The following AP4E1 variants were observed in gnomAD, a reference collection of about 807,000 sequenced individuals.
AP4E1 encodes the protein adaptor related protein complex 4 subunit epsilon 1.
AP4E1 carries 56 observed loss-of-function variants against 128.2 expected under a neutral mutation model. The observed-to-expected ratio is 0.44, with a 90% CI of 0.35 to 0.55. AP4E1 has a LOEUF of 0.55. AP4E1 is among the 20% of genes least tolerant of loss of function. AP4E1 has a pLI of 0.00. For synonymous variants in AP4E1, 484 were observed against 473.1 expected (o/e 1.02, Z -0.30); for missense variants, 1,324 against 1,307.7 (o/e 1.01, Z -0.19).
intron 13 of AP4E1, among the ~76,000 whole-genome samples, chr15:50,957,713 G>A (rs1312273454): frequency 1.0e-5 from 1 of 96,382 alleles, no homozygotes. Context: ...GTCTTGTTCT[G>A]TTGCCCAGGC....
rs985222142 is a variant in AP4E1 at position 50,980,703 on chromosome 15, C to T, written c.1967-3319C>T. On this transcript the variant is annotated intron_variant, in intron 15 of 20. Transcript: ENST00000261842. ...CAGAATGTTTTCAGGGGATGACCAG[C>T]GTACCCTTCATGGGCTTGCTGCCCA... Among the ~76,000 whole-genome samples the T allele has an allele frequency of 3.3e-5, 5 of 152,262 alleles. No homozygotes were observed. The East Asian group carries it at 5.8e-4, about 18-fold the overall frequency.
chr15:50,953,887 A>C (rs2064183362), intron 13 of AP4E1, among the ~76,000 whole-genome samples: 1 of 152,204 alleles, frequency 6.6e-6, no homozygotes, highest in Admixed American at 6.5e-5. Flanking sequence ...TACAAAAGTG[A>C]TGGTCGCAGT....
chr15:50,944,585 T>C (rs561919059), intron 10 of AP4E1: 1 of 204,304 alleles, frequency 4.9e-6, no homozygotes, highest in African/African-American at 2.8e-5. Context: ...ACTAAAACAG[T>C]TAAAAAAAAA....
At chr15:50,915,278 A>T (rs2063616297) in intron 2 of AP4E1, 170 bp from the exon 3 acceptor site, 2 of 661,138 alleles carry the variant, frequency 3.0e-6, no homozygotes, top group Non-Finnish European at 5.0e-6. Context: ...AAGTAAGATC[A>T]GGAGCAATTT....
At chr15:50,939,698 T>C (rs1460067864) in intron 8 of AP4E1, among the ~76,000 whole-genome samples, 1 of 152,228 alleles carries the variant, frequency 6.6e-6, no homozygotes, top group East Asian at 1.9e-4. Context: ...AGCATCTGAA[T>C]ATAAACGTTT....
chr15:50,911,743 G>T (rs2063569754), intron 1 of AP4E1, among the ~76,000 whole-genome samples: 1 of 152,050 alleles, frequency 6.6e-6, no homozygotes, highest in African/African-American at 2.4e-5. Flanking sequence ...CTCCCAAAGT[G>T]CTGGGATTAC....
chr15:50,961,856 A>G (rs1322800194), intron 14 of AP4E1, among the ~76,000 whole-genome samples: 1 of 152,010 alleles, frequency 6.6e-6, no homozygotes, highest in Non-Finnish European at 1.5e-5. Flanking sequence ...AGAAAAACCT[A>G]AAGACTTGAA....
intron 14 of AP4E1, among the ~76,000 whole-genome samples, chr15:50,959,226 G>T (rs2064276805): frequency 1.3e-5 from 2 of 150,038 alleles, no homozygotes; most frequent in South Asian, 4.2e-4. Context: ...AAAAAAAAAA[G>T]ATTCAATCTA....
At chr15:50,969,720 G>A (rs1299879558) in intron 15 of AP4E1, among the ~76,000 whole-genome samples, 8 of 149,040 alleles carry the variant, frequency 5.4e-5, no homozygotes, top group East Asian at 3.9e-4. Flanking sequence ...GTGCAGTGGC[G>A]TGATCTCGGC....
At chr15:50,939,651 AT>A (rs781247830) in intron 8 of AP4E1, among the ~76,000 whole-genome samples, 11 of 151,896 alleles carry the variant, frequency 7.2e-5, no homozygotes, top group South Asian at 2.1e-4. Context: ...TTGAACTATT[AT>A]TTTTTTTCCC....
chr15:50,953,714 T>TA (rs1366316242), intron 13 of AP4E1, among the ~76,000 whole-genome samples: 1 of 152,176 alleles, frequency 6.6e-6, no homozygotes, highest in East Asian at 1.9e-4. Flanking sequence ...AGAGAAGCTA[T>TA]AAAAATGGTT....
intron 15 of AP4E1, among the ~76,000 whole-genome samples, chr15:50,975,586 T>A (rs2064540222): frequency 6.6e-6 from 1 of 152,200 alleles, no homozygotes. Flanking sequence ...TTGGTGTCCT[T>A]GTTCAATATT....
chr15:50,972,967 T>C (rs940061283), intron 15 of AP4E1, among the ~76,000 whole-genome samples: 3 of 152,190 alleles, frequency 2.0e-5, no homozygotes, highest in African/African-American at 7.2e-5. Context: ...AAATATCTGA[T>C]GATTTAAGTT....
intron 13 of AP4E1, 26 bp downstream of exon 13, chr15:50,950,195 ATT>A: frequency 6.9e-7 from 1 of 1,445,988 alleles, no homozygotes; most frequent in Non-Finnish European, 9.7e-7. Flanking sequence ...TAAATCATAA[ATT>A]TTTATAACAT....
intron 17 of AP4E1, among the ~76,000 whole-genome samples, chr15:50,994,390 C>T (rs1207599098): frequency 6.6e-6 from 1 of 152,062 alleles, no homozygotes; most frequent in Admixed American, 6.5e-5. Flanking sequence ...CCAGGTCTTT[C>T]ATCCTCCTCC....
At chr15:50,944,072 T>A (rs575638672) in intron 10 of AP4E1, among the ~76,000 whole-genome samples, 1 of 152,314 alleles carries the variant, frequency 6.6e-6, no homozygotes, top group East Asian at 1.9e-4. Context: ...CTTTTAAAAT[T>A]ATGAAGGTTG....
intron 13 of AP4E1, among the ~76,000 whole-genome samples, chr15:50,951,393 G>A (rs911316396): frequency 6.6e-6 from 1 of 152,160 alleles, no homozygotes; most frequent in African/African-American, 2.4e-5. Flanking sequence ...CAACAGGGCC[G>A]CCTGCTTCAT....
chr15:50,963,603 G>C (rs568242845), intron 14 of AP4E1, among the ~76,000 whole-genome samples: 5 of 152,294 alleles, frequency 3.3e-5, no homozygotes, highest in African/African-American at 1.2e-4. Flanking sequence ...TTAATGGTTA[G>C]TAACATACCT....
At position 50,958,494 on chromosome 15, in the gene AP4E1, A is replaced by T; in HGVS notation, c.1551A>T (p.Val517=). Residue 517 remains valine, a splice_region_variant and synonymous_variant, in exon 14 of 21, where the codon GTA becomes GTT. Transcript: ENST00000261842. ...PQRFLQVMSW[V]LGEYSYLLDK... ...ATATCTCTTTGTTTTATTTACAGGTATTAGGGGAATATTCCTACCTCTTAG... is the reference window on the plus strand; with the variant it reads ...ATATCTCTTTGTTTTATTTACAGGTTTTAGGGGAATATTCCTACCTCTTAG... 1 of 1,608,680 alleles carries T rather than the reference A, an allele frequency of 6.2e-7. No individual in the cohort carries two copies.
Sources: allele counts gnomAD v4.1 joint callset (sites outside exome capture counted in the v4.1 genomes callset), GRCh38; gene constraint gnomAD v4.1.1; transcripts MANE v1.5; gene names NCBI Gene and HGNC (gene_info 2026-07-23, HGNC 2026-07-21).